Variants in ATP8A2 observed in about 807,000 individuals in gnomAD.
ATP8A2 encodes the protein phospholipid-transporting ATPase IB.
Under a neutral mutation model 165.6 loss-of-function variants are expected in ATP8A2, and 100 were observed. The observed-to-expected ratio is 0.60, with a 90% CI of 0.51 to 0.71. The LOEUF (loss-of-function observed/expected upper bound fraction) is 0.71, where lower values mean the gene tolerates loss of function less well. Among genes scored for constraint, ATP8A2 ranks in the 30% least tolerant of loss-of-function variants. The pLI, the probability that ATP8A2 is intolerant of heterozygous loss-of-function variation, is 0.00. For missense variants in ATP8A2, 1,227 were observed against 1,479.5 expected (o/e 0.83, Z 2.80); for synonymous variants, 543 against 548.8 (o/e 0.99, Z 0.15).
chr13:26,025,149 A>G lies in ATP8A2; in HGVS notation c.*5164A>G, dbSNP rs557506384. The G allele has an allele frequency of 3.3e-5, 5 of 151,934 alleles. No individual in the cohort carries two copies. The highest frequency in any genetic ancestry group is 2.0e-4 in the Admixed American group (3 of 15,252). 9.4% of individuals were successfully genotyped at this position (151,934 alleles called of 1,614,324 possible). A position where few individuals can be genotyped will look rare whatever the true frequency, so the allele number is the denominator to read the frequency against. On this transcript the variant is annotated 3_prime_UTR_variant, in exon 37 of 37. Transcript: ENST00000381655. ...AAAAAAAAAAAAAAGGAAGAAAAGA[A>G]AAAAAGGAAACCAGCCCTGTCATGG...
intron 7 of ATP8A2, among the ~76,000 whole-genome samples, chr13:25,539,284 G>T (rs1182121076): frequency 1.3e-5 from 2 of 151,886 alleles, no homozygotes; most frequent in Admixed American, 1.3e-4. Flanking sequence ...TTTTTTTGTA[G>T]AGGCTCATTT....
At position 25,858,220 on chromosome 13, in the gene ATP8A2, T is replaced by C. The variant is rs182495933; in HGVS notation, c.2957-1975T>C. On this transcript the variant is annotated intron_variant, in intron 30 of 36. Coordinates refer to ENST00000381655, the MANE Select transcript of ATP8A2 (RefSeq NM_016529.6). ...CCTGAAAAGTGAACTCCTACAATTT[T>C]GAGTAACTATTTGCTAATACATCAG... is the stretch of plus-strand genomic sequence containing the variant. Among the ~76,000 whole-genome samples the C allele has an allele frequency of 2.8e-4, 42 of 152,354 alleles. 1 individual carries two copies. Among genetic ancestry groups the C allele is most frequent in the Admixed American group, 2.5e-3 (39 of 15,308 alleles).
intron 5 of ATP8A2, 35 bp from the exon 6 acceptor site, chr13:25,533,238 A>C: frequency 9.0e-7 from 1 of 1,115,790 alleles, no homozygotes; most frequent in Non-Finnish European, 1.3e-6. Context: ...ATTTAACACC[A>C]GTATTAACCA....
At chr13:25,425,940 A>G (rs895411655) in intron 1 of ATP8A2, among the ~76,000 whole-genome samples, 2 of 152,212 alleles carry the variant, frequency 1.3e-5, no homozygotes, top group Admixed American at 1.3e-4. Flanking sequence ...ATAGCTTGAT[A>G]GCTCAGTCTT....
intron 23 of ATP8A2, among the ~76,000 whole-genome samples, chr13:25,582,953 C>T (rs754957923): frequency 1.3e-5 from 2 of 152,164 alleles, no homozygotes; most frequent in Admixed American, 6.5e-5. Flanking sequence ...TCCCAAACAA[C>T]GGAAGTTAAG....
intron 33 of ATP8A2, among the ~76,000 whole-genome samples, chr13:25,930,758 G>T (rs1177395817): frequency 6.6e-6 from 1 of 152,074 alleles, no homozygotes; most frequent in Non-Finnish European, 1.5e-5. Context: ...GATAACAAAT[G>T]AAGGCTCAGT....
intron 30 of ATP8A2, among the ~76,000 whole-genome samples, chr13:25,853,162 G>T (rs1952052029): frequency 6.6e-6 from 1 of 151,834 alleles, no homozygotes; most frequent in Non-Finnish European, 1.5e-5. Context: ...GCTGAGACAG[G>T]TGGATCACTT....
intron 35 of ATP8A2, among the ~76,000 whole-genome samples, chr13:25,995,004 T>C (rs1956468474): frequency 1.3e-5 from 2 of 152,080 alleles, no homozygotes; most frequent in African/African-American, 2.4e-5. Context: ...AAATTCAATT[T>C]CCTTAATATT....
intron 25 of ATP8A2, among the ~76,000 whole-genome samples, chr13:25,727,544 G>A (rs905852361): frequency 1.1e-4 from 16 of 152,148 alleles, no homozygotes; most frequent in Non-Finnish European, 2.2e-4. Flanking sequence ...AAATGCTCAT[G>A]GCTAAAGTCA....
chr13:25,523,939 T>C (rs2037751337), intron 2 of ATP8A2, among the ~76,000 whole-genome samples: 1 of 152,154 alleles, frequency 6.6e-6, no homozygotes, highest in Admixed American at 6.5e-5. Context: ...TCTCTTAAGG[T>C]ACTTTATTAA....
chr13:25,422,422 C>G (rs993675512), intron 1 of ATP8A2, among the ~76,000 whole-genome samples: 1 of 152,096 alleles, frequency 6.6e-6, no homozygotes, highest in African/African-American at 2.4e-5. Context: ...TTAAAAGGTC[C>G]CCATTAGACC....
At chr13:25,875,754 C>T (rs961282164) in intron 33 of ATP8A2, among the ~76,000 whole-genome samples, 4 of 152,046 alleles carry the variant, frequency 2.6e-5, no homozygotes, top group African/African-American at 4.8e-5. Flanking sequence ...TTGATATTGG[C>T]GTTTGGAAAC....
chr13:25,591,661 C>T (rs1450089985), intron 24 of ATP8A2, among the ~76,000 whole-genome samples: 1 of 151,222 alleles, frequency 6.6e-6, no homozygotes, highest in Non-Finnish European at 1.5e-5. Context: ...AGGCTCACCG[C>T]AACCTCCAAT....
At chr13:25,685,281 T>C (rs2042577539) in intron 24 of ATP8A2, among the ~76,000 whole-genome samples, 1 of 152,220 alleles carries the variant, frequency 6.6e-6, no homozygotes, top group African/African-American at 2.4e-5. Flanking sequence ...GGTGTTGGCA[T>C]AGTCTCTGAA....
chr13:26,012,454 C>T, intron 35 of ATP8A2, 77 bp from the exon 36 acceptor site: 3 of 1,207,302 alleles, frequency 2.5e-6, no homozygotes, highest in Non-Finnish European at 3.5e-6. Flanking sequence ...CACCTCATCC[C>T]ACCCCCTTCT....
intron 24 of ATP8A2, among the ~76,000 whole-genome samples, chr13:25,642,075 C>T (rs2041540307): frequency 1.3e-5 from 2 of 152,138 alleles, no homozygotes; most frequent in African/African-American, 4.8e-5. Context: ...TGGATCCTTT[C>T]CTTACACCTT....
Position 25,553,897 on chromosome 13 carries a change from A to C in ATP8A2, c.1162A>C (p.Thr388Pro), listed in dbSNP as rs2038898377. 1.2e-6 allele frequency: 2 copies of C among 1,613,552 alleles called. No individual in the cohort carries two copies. Among genetic ancestry groups the C allele is most frequent in the Non-Finnish European group, 1.7e-6 (2 of 1,179,612 alleles). Residue 388 changes from threonine (T) to proline (P), a missense_variant, in exon 12 of 37, where the codon ACT becomes CCT. Transcript: ENST00000381655. ...GGTGACTCTTGAGGTTGTGAAGTAT[A>C]CTCAAGCCCTTTTCATAAACTGGGT... ...LLVTLEVVKY[T>P]QALFINWDTD...
intron 33 of ATP8A2, among the ~76,000 whole-genome samples, chr13:25,933,228 C>T (rs3825494): frequency 0.44 from 66,492 of 152,056 alleles, 16,598 homozygotes; most frequent in East Asian, 0.7. Flanking sequence ...CATGGCAGGG[C>T]CAGCTCAGTT....
rs562040049 is a variant in ATP8A2 at position 26,022,328 on chromosome 13, TCAAA to T, written c.*2346_*2349del. On this transcript the variant is annotated 3_prime_UTR_variant, in exon 37 of 37. Transcript: ENST00000381655. ...AGTGGATTAGAAATTGAATTCTTTG[TCAAA>T]CAGTTAGCTCTGTCTTGAACTTGAA... The T allele has an allele frequency of 7.2e-5, 11 of 152,338 alleles. No individual in the cohort carries two copies. The highest frequency in any genetic ancestry group is 2.0e-4 in the Admixed American group (3 of 15,306). The allele number at this position is 152,338 out of a possible 1,614,324, so 9.4% of individuals were successfully genotyped here.
Sources: allele counts gnomAD v4.1 joint callset (sites outside exome capture counted in the v4.1 genomes callset), GRCh38; gene constraint gnomAD v4.1.1; transcripts MANE v1.5; gene names NCBI Gene and HGNC (gene_info 2026-07-23, HGNC 2026-07-21).